The following SLC44A1 variants were observed in gnomAD, a reference collection of about 807,000 sequenced individuals.
SLC44A1 encodes the protein choline transporter-like protein 1.
Under a neutral mutation model 79.3 loss-of-function variants are expected in SLC44A1, and 26 were observed. The ratio of observed to expected loss-of-function variants is 0.33; its 90% confidence interval spans 0.24 to 0.46. SLC44A1 has a LOEUF of 0.46. Ranked by LOEUF, SLC44A1 falls within the 20% of genes least tolerant of loss-of-function variation. The pLI is 1.00. For missense variants in SLC44A1, 688 were observed against 798.1 expected, an observed-to-expected ratio of 0.86 and a Z score of 1.66; for synonymous variants, 263 against 286.2, an observed-to-expected ratio of 0.92 and a Z score of 0.82.
At chr9:105,310,076 A>G (rs117669784) in intron 3 of SLC44A1, among the ~76,000 whole-genome samples, 1 of 152,194 alleles carries the variant, frequency 6.6e-6, no homozygotes, top group Non-Finnish European at 1.5e-5. Context: ...AGAATTAGCT[A>G]CCATGTTAAA....
intron 1 of SLC44A1, among the ~76,000 whole-genome samples, chr9:105,283,417 G>A (rs963383416): frequency 1.3e-5 from 2 of 152,216 alleles, no homozygotes; most frequent in Non-Finnish European, 2.9e-5. Context: ...GTGAAGAGGC[G>A]CTCTGCTAAG....
At chr9:105,429,031 A>G (rs1326110212) in intron 15 of SLC44A1, among the ~76,000 whole-genome samples, 1 of 152,170 alleles carries the variant, frequency 6.6e-6, no homozygotes, top group Non-Finnish European at 1.5e-5. Flanking sequence ...ATAAATTCGG[A>G]TATTCTTGAA....
chr9:105,433,021 G>A (rs955770185), intron 15 of SLC44A1, among the ~76,000 whole-genome samples: 4 of 152,304 alleles, frequency 2.6e-5, no homozygotes, highest in African/African-American at 4.8e-5. Context: ...ATCGCCGGGC[G>A]TGGTGGCTTA....
At position 105,252,160 on chromosome 9, in the gene SLC44A1, A is replaced by G. The variant is rs187080308; in HGVS notation, c.36+7256A>G. Among the ~76,000 whole-genome samples the G allele has an allele frequency of 5.9e-5, 9 of 152,364 alleles. No individual in the cohort carries two copies. The East Asian group carries it at 1.5e-3, about 26-fold the overall frequency. ...TTGTCTATAGCTGCTTTCATATGAC[A>G]GTGTCAGAGTTGAGTAGTTGTGACA... is the stretch of plus-strand genomic sequence containing the variant. On this transcript the variant is annotated intron_variant, in intron 1 of 15. Coordinates refer to ENST00000374720, the MANE Select transcript of SLC44A1 (RefSeq NM_080546.5).
intron 1 of SLC44A1, among the ~76,000 whole-genome samples, chr9:105,267,266 A>G (rs1829982996): frequency 6.6e-6 from 1 of 152,204 alleles, no homozygotes; most frequent in Non-Finnish European, 1.5e-5. Context: ...GATTCTTCAT[A>G]TTAAACTTAT....
intron 15 of SLC44A1, among the ~76,000 whole-genome samples, chr9:105,402,975 CTTTTTTTT>C (rs780060821): frequency 1.5e-5 from 1 of 66,378 alleles, no homozygotes; most frequent in African/African-American, 7.6e-5. Flanking sequence ...TCACACCCAG[CTTTTTTTT>C]TTTTTTTTTT....
At chr9:105,280,544 G>T (rs180828018) in intron 1 of SLC44A1, among the ~76,000 whole-genome samples, 2 of 152,318 alleles carry the variant, frequency 1.3e-5, no homozygotes, top group Admixed American at 1.3e-4. Context: ...TGAATTAACA[G>T]TATTACTCAC....
intron 1 of SLC44A1, among the ~76,000 whole-genome samples, chr9:105,279,508 G>T (rs760826451): frequency 6.6e-6 from 1 of 151,850 alleles, no homozygotes; most frequent in African/African-American, 2.4e-5. Flanking sequence ...AGTAGAGACG[G>T]GGTTTCACCA....
intron 3 of SLC44A1, among the ~76,000 whole-genome samples, chr9:105,326,310 A>G (rs554927965): frequency 6.6e-6 from 1 of 152,262 alleles, no homozygotes; most frequent in Non-Finnish European, 1.5e-5. Flanking sequence ...GCCTCAAGTG[A>G]TCCTCCTGCC....
intron 1 of SLC44A1, among the ~76,000 whole-genome samples, chr9:105,276,327 C>G (rs1451409725): frequency 6.6e-6 from 1 of 152,146 alleles, no homozygotes; most frequent in Non-Finnish European, 1.5e-5. Flanking sequence ...GTCACAATCT[C>G]AATCTGTCAC....
intron 1 of SLC44A1, among the ~76,000 whole-genome samples, chr9:105,274,879 T>G (rs1830164023): frequency 6.6e-6 from 1 of 152,200 alleles, no homozygotes; most frequent in South Asian, 2.1e-4. Context: ...CCAGGAACTC[T>G]TAGTTATCTC....
At chr9:105,285,818 A>C (rs1478141899) in intron 1 of SLC44A1, among the ~76,000 whole-genome samples, 2 of 152,218 alleles carry the variant, frequency 1.3e-5, no homozygotes, top group Admixed American at 6.5e-5. Flanking sequence ...TCTTTTGTGG[A>C]TCTTCAGTTG....
chr9:105,379,061 G>A (rs919274870), intron 13 of SLC44A1, among the ~76,000 whole-genome samples: 19 of 152,290 alleles, frequency 1.2e-4, no homozygotes, highest in Admixed American at 3.9e-4. Context: ...GATCGCTTGA[G>A]CCCAGGAGTC....
intron 1 of SLC44A1, among the ~76,000 whole-genome samples, chr9:105,286,274 T>G (rs539648839): frequency 6.6e-5 from 10 of 152,316 alleles, no homozygotes; most frequent in African/African-American, 2.4e-4. Flanking sequence ...CAAAGTGTCA[T>G]GGGTCCTGGC....
intron 1 of SLC44A1, among the ~76,000 whole-genome samples, chr9:105,250,537 A>T (rs1829559529): frequency 6.6e-6 from 1 of 152,216 alleles, no homozygotes; most frequent in African/African-American, 2.4e-5. Flanking sequence ...ATTTTGCCTC[A>T]GATTTTTGGG....
intron 14 of SLC44A1, among the ~76,000 whole-genome samples, chr9:105,385,141 G>A (rs2131470111): frequency 6.6e-6 from 1 of 152,178 alleles, no homozygotes; most frequent in South Asian, 2.1e-4. Context: ...AAAATGTTAG[G>A]TATTTTCTCT....
downstream of SLC44A1, among the ~76,000 whole-genome samples, chr9:105,399,510 T>C (rs949660662): frequency 1.2e-5 from 1 of 81,276 alleles, no homozygotes; most frequent in Non-Finnish European, 2.9e-5. Flanking sequence ...ACAAGTTGTG[T>C]AATAAGCAAA....
rs181421735 is a variant in SLC44A1, at chr9:105,402,357, T to C, written c.1950+16855T>C. ...CCAACAGGCTTGGTGACTAATGAAA[T>C]TGGAGGGAAAGGGAAAATAAATCAT... On this transcript the variant is annotated intron_variant, in intron 15 of 15. Coordinates refer to the SLC44A1 transcript ENST00000374724. Among the ~76,000 whole-genome samples the C allele has an allele frequency of 1.1e-4, 16 of 152,122 alleles. No individual in the cohort carries two copies. In the East Asian group the frequency reaches 2.3e-3, roughly 22 times the overall value.
At chr9:105,419,126 G>A (rs1281959636) in intron 15 of SLC44A1, among the ~76,000 whole-genome samples, 1 of 152,110 alleles carries the variant, frequency 6.6e-6, no homozygotes, top group Non-Finnish European at 1.5e-5. Context: ...GCTGAAGAAC[G>A]CTAGAGTTAG....
Sources: gnomAD v4.1 joint callset for allele counts (sites outside exome capture counted in the v4.1 genomes callset) on GRCh38, gnomAD v4.1.1 for gene constraint, MANE v1.5 for transcripts, NCBI Gene and HGNC (gene_info 2026-07-23, HGNC 2026-07-21) for gene names.